Variants in RORA observed in about 807,000 individuals in gnomAD.
RORA encodes the protein RAR related orphan receptor A.
RORA carries 7 observed loss-of-function variants against 69.5 expected under a neutral mutation model. The observed-to-expected ratio is 0.10, with a 90% CI of 0.06 to 0.19. The LOEUF (loss-of-function observed/expected upper bound fraction) is 0.19. Among genes scored for constraint, RORA ranks in the 10% least tolerant of loss-of-function variants. The pLI is 1.00. For missense variants in RORA, 457 were observed against 663.0 expected (o/e 0.69, Z 3.41); for synonymous variants, 261 against 240.8 (o/e 1.08, Z -0.78).
chr15:60,692,916 T>C (rs2899661), intron 1 of RORA, among the ~76,000 whole-genome samples: 66,469 of 151,628 alleles, frequency 0.44, 14,902 homozygotes, highest in Middle Eastern at 0.57. Context: ...TTTTAAACAA[T>C]TGAAAAAGAG....
Position 60,755,839 on chromosome 15 carries a change from T to C in RORA, c.167-77153A>G, listed in dbSNP as rs567492043. Among the ~76,000 whole-genome samples, 4 of 152,304 alleles carry C rather than the reference T, an allele frequency of 2.6e-5. No homozygotes were observed. The South Asian group carries it at 8.3e-4, about 32-fold the overall frequency. On this transcript the variant is annotated intron_variant, in intron 1 of 10. Transcript: ENST00000335670. ...TTCTTGCAGCAGTTTCTCTCCTCCA[T>C]GCAAATCATGTCCACTCCATTCCAT... is the stretch of plus-strand genomic sequence containing the variant.
At chr15:60,692,787 C>T (rs1267984622) in intron 1 of RORA, among the ~76,000 whole-genome samples, 1 of 152,104 alleles carries the variant, frequency 6.6e-6, no homozygotes, top group East Asian at 1.9e-4. Flanking sequence ...AAAAGAGGTT[C>T]AATCTCTCTA....
intron 1 of RORA, among the ~76,000 whole-genome samples, chr15:61,054,330 A>T (rs2078060117): frequency 6.7e-6 from 1 of 150,136 alleles, no homozygotes; most frequent in Non-Finnish European, 1.5e-5. Context: ...AAAAAAAAAA[A>T]TGTTCTCCCA....
At chr15:60,742,631 T>C (rs574054794) in intron 1 of RORA, among the ~76,000 whole-genome samples, 6 of 152,226 alleles carry the variant, frequency 3.9e-5, no homozygotes, top group Non-Finnish European at 7.3e-5. Flanking sequence ...AATGTCTCCT[T>C]GATCCCCCCA....
At chr15:60,893,103 C>G (rs1247725981) in intron 1 of RORA, among the ~76,000 whole-genome samples, 1 of 152,208 alleles carries the variant, frequency 6.6e-6, no homozygotes, top group East Asian at 1.9e-4. Context: ...AAGAGAATCA[C>G]CAGGGTGTCT....
chr15:61,228,048 G>A (rs985119927), intron 1 of RORA, among the ~76,000 whole-genome samples: 2 of 146,064 alleles, frequency 1.4e-5, no homozygotes, highest in African/African-American at 5.0e-5. Flanking sequence ...CGCAGACACA[G>A]ACCAAACACC....
intron 5 of RORA, among the ~76,000 whole-genome samples, chr15:60,509,474 C>T (rs889482228): frequency 2.0e-5 from 3 of 152,204 alleles, no homozygotes; most frequent in Non-Finnish European, 4.4e-5. Flanking sequence ...CTCAGGGAAT[C>T]GGCTCAGCCA....
chr15:60,856,364 C>A (rs185296610), intron 1 of RORA, among the ~76,000 whole-genome samples: 2 of 152,164 alleles, frequency 1.3e-5, no homozygotes, highest in Non-Finnish European at 2.9e-5. Context: ...ATAGAGTTCA[C>A]CTTTCCAGGT....
intron 1 of RORA, among the ~76,000 whole-genome samples, chr15:61,085,926 T>A (rs745706873): frequency 1.3e-5 from 2 of 152,088 alleles, no homozygotes; most frequent in Non-Finnish European, 2.9e-5. Context: ...AATAGCAAAA[T>A]AGGAATAAGA....
chr15:60,786,900 G>C (rs750110035), intron 1 of RORA, among the ~76,000 whole-genome samples: 1 of 152,208 alleles, frequency 6.6e-6, no homozygotes, highest in Non-Finnish European at 1.5e-5. Flanking sequence ...CCTTCCCAGC[G>C]GAGGTGTGGA....
intron 1 of RORA, among the ~76,000 whole-genome samples, chr15:60,697,564 CTT>C (rs577116893): frequency 6.9e-6 from 1 of 144,786 alleles, no homozygotes; most frequent in African/African-American, 2.5e-5. Context: ...TTCAAGTCTA[CTT>C]TTTTTTTTTT....
At chr15:60,512,475 T>C (rs1450519090) in intron 4 of RORA, among the ~76,000 whole-genome samples, 3 of 152,132 alleles carry the variant, frequency 2.0e-5, no homozygotes, top group African/African-American at 4.8e-5. Flanking sequence ...TATGTAGAGA[T>C]GGAGTTTCGC....
chr15:60,869,700 G>A (rs1170739287), intron 1 of RORA, among the ~76,000 whole-genome samples: 1 of 152,160 alleles, frequency 6.6e-6, no homozygotes, highest in African/African-American at 2.4e-5. Context: ...CAGACTTCTA[G>A]GATCGAAAAA....
intron 2 of RORA, chr15:60,598,621 G>A (rs111285732): frequency 6.6e-6 from 1 of 152,150 alleles, no homozygotes; most frequent in African/African-American, 2.4e-5. Flanking sequence ...CAAAATATAT[G>A]TTAATTGATT....
chr15:61,137,027 G>GAAAAGAAAGAAAGAAAGAAAGAAAGA (rs386383199), intron 1 of RORA, among the ~76,000 whole-genome samples: 1 of 53,498 alleles, frequency 1.9e-5, no homozygotes, highest in Non-Finnish European at 3.6e-5. Context: ...AAAAAAGAAA[G>GAAAAGAAAGAAAGAAAGAAAGAAAGA]AAAGAAAGAA....
intron 2 of RORA, among the ~76,000 whole-genome samples, chr15:60,633,249 T>A (rs769773889): frequency 6.0e-4 from 91 of 152,196 alleles, no homozygotes; most frequent in Admixed American, 3.9e-4. Flanking sequence ...ACAGAGCACC[T>A]TGCAGTAAAG....
At chr15:60,505,670 T>C (rs2065477365) in intron 5 of RORA, 41 bp from the exon 6 acceptor site, 3 of 1,603,600 alleles carry the variant, frequency 1.9e-6, no homozygotes, top group Admixed American at 1.7e-5. Flanking sequence ...AAAAGCGAAG[T>C]TCTTTGAATA....
chr15:61,083,465 A>G (rs1040056055), intron 1 of RORA, among the ~76,000 whole-genome samples: 2 of 152,102 alleles, frequency 1.3e-5, no homozygotes, highest in Non-Finnish European at 2.9e-5. Context: ...TTAATTCCTT[A>G]GTCCCTCTGA....
At chr15:60,899,696 A>G (rs1010259569) in intron 1 of RORA, among the ~76,000 whole-genome samples, 1 of 152,074 alleles carries the variant, frequency 6.6e-6, no homozygotes, top group African/African-American at 2.4e-5. Flanking sequence ...TTCCAAAACA[A>G]CTCCCCGCAC....
Sources: allele counts gnomAD v4.1 joint callset (sites outside exome capture counted in the v4.1 genomes callset), GRCh38; gene constraint gnomAD v4.1.1; transcripts MANE v1.5; gene names NCBI Gene and HGNC (gene_info 2026-07-23, HGNC 2026-07-21).